Variants in TUBGCP2 observed in about 807,000 individuals in gnomAD.
TUBGCP2 encodes tubulin gamma complex component 2.
A neutral mutation model predicts 92.2 loss-of-function variants in TUBGCP2; 55 were observed. The ratio of observed to expected loss-of-function variants is 0.60; its 90% CI spans 0.48 to 0.75. TUBGCP2 has a LOEUF of 0.75. Ranked by LOEUF, TUBGCP2 falls within the 30% of genes least tolerant of loss-of-function variation. The pLI is 0.00. For synonymous variants in TUBGCP2, 533 were observed against 505.2 expected (o/e 1.06, Z -0.74); for missense variants, 1,093 against 1,188.9 (o/e 0.92, Z 1.19).
At chr10:133,281,654 T>C (rs554611552) in intron 16 of TUBGCP2, 4 of 613,836 alleles carry the variant, frequency 6.5e-6, no homozygotes, top group Non-Finnish European at 1.1e-5. Flanking sequence ...CCTCGTGGGA[T>C]GAGGTGGTCA....
Position 133,299,538 on chromosome 10 carries a change from G to A in TUBGCP2, c.345C>T (p.Ser115=), listed in dbSNP as rs1281315547. The A allele has an allele frequency of 3.7e-6, 6 of 1,613,582 alleles. 1 individual carries two copies. The highest frequency in any genetic ancestry group is 3.3e-5 in the South Asian group (3 of 91,082). Residue 115 remains serine, a synonymous_variant, in exon 4 of 18, where the codon AGC becomes AGT. Coordinates refer to ENST00000252936, the MANE Select transcript of TUBGCP2 (RefSeq NM_006659.4). ...RAELAAAAVG[S]STTSINVPAA... is the part of the protein sequence containing the mutation. Reference sequence around the variant, plus strand: ...CAGGGACGTTGATGCTGGTGGTACTGCTGCCCACAGCAGCGGCTGCAAGCT... The same window carrying A: ...CAGGGACGTTGATGCTGGTGGTACTACTGCCCACAGCAGCGGCTGCAAGCT...
At chr10:133,298,139 C>A in intron 4 of TUBGCP2, 28 bp from the exon 5 acceptor site, 5 of 1,607,406 alleles carry the variant, frequency 3.1e-6, no homozygotes, top group Non-Finnish European at 4.3e-6. Context: ...AAAAACAAAA[C>A]CAGAAAGATA....
chr10:133,309,947 C>T (rs1847950477), upstream of TUBGCP2: 11 of 1,613,260 alleles, frequency 6.8e-6, no homozygotes, highest in African/African-American at 4.0e-5. Flanking sequence ...ACGATTCGCT[C>T]TTCCAGATCC....
chr10:133,303,543 G>T (rs1420987655), intron 1 of TUBGCP2, among the ~76,000 whole-genome samples: 1 of 152,152 alleles, frequency 6.6e-6, no homozygotes, highest in Non-Finnish European at 1.5e-5. Context: ...GGCCTGTGGG[G>T]TCTACACAGG....
At chr10:133,283,759 C>T in intron 14 of TUBGCP2, 123 bp downstream of exon 14, 1 of 1,470,894 alleles carries the variant, frequency 6.8e-7, no homozygotes, top group African/African-American at 1.4e-5. Flanking sequence ...CTGCGTCTCC[C>T]TGCATTCCCT....
upstream of TUBGCP2, chr10:133,309,143 C>T (rs768601512): frequency 3.3e-5 from 46 of 1,388,314 alleles, no homozygotes; most frequent in African/African-American, 6.1e-4. Flanking sequence ...TCCAGTGGGG[C>T]CTACGGCGGC....
chr10:133,303,893 C>T (rs1299343723), intron 1 of TUBGCP2, among the ~76,000 whole-genome samples: 2 of 152,218 alleles, frequency 1.3e-5, no homozygotes. Flanking sequence ...CACAGACACC[C>T]AAGTGGGCAG....
At chr10:133,293,005 A>C (rs1335581810) in intron 7 of TUBGCP2, 34 bp downstream of exon 7, 2 of 1,604,096 alleles carry the variant, frequency 1.2e-6, no homozygotes, top group African/African-American at 2.7e-5. Flanking sequence ...CCTGCCACCC[A>C]CCACTGCCCC....
rs564341466 is a variant in TUBGCP2 at position 133,290,156 on chromosome 10, C to T, written c.1215-187G>A. 1.4e-3 allele frequency: 1,078 copies of T among 785,868 alleles called. 3 individuals are homozygous for T. Among genetic ancestry groups the T allele is most frequent in the Middle Eastern group, 0.011 (28 of 2,532 alleles). The allele number at this position is 785,868 out of a possible 1,614,324, so 48.7% of individuals were successfully genotyped here. ...TGTGGGCTAAAACGAACCTAGGGGC[C>T]GGGCACGGTGGCTCACGCCTGTAAC... On this transcript the variant is annotated intron_variant, in intron 8 of 17. Transcript: ENST00000252936.
rs202119662 is a variant in TUBGCP2, at chr10:133,288,355, C to T, written c.1542-46G>A. ...GAGCAGGTGCCCACCCGCAGGTGCC[C>T]GCCACAGCCAGGGAGCAGGCGTGAG... On this transcript the variant is annotated intron_variant, in intron 10 of 17. Coordinates refer to ENST00000252936, the MANE Select transcript of TUBGCP2 (RefSeq NM_006659.4). 2.5e-3 allele frequency: 3,905 copies of T among 1,588,916 alleles called. 34 individuals are homozygous for T. The highest frequency in any genetic ancestry group is 7.3e-3 in the Middle Eastern group (40 of 5,492).
intron 16 of TUBGCP2, among the ~76,000 whole-genome samples, chr10:133,281,884 C>T (rs567973001): frequency 2.6e-5 from 4 of 152,396 alleles, no homozygotes; most frequent in East Asian, 1.9e-4. Context: ...GCAGCCTGTC[C>T]GTGCCTGCTG....
chr10:133,291,329 GCACCGTCCGTGTCCCCC>G (rs1847295879), intron 8 of TUBGCP2, among the ~76,000 whole-genome samples: 1 of 33,372 alleles, frequency 3.0e-5, no homozygotes, highest in Non-Finnish European at 6.0e-5. Context: ...AGGGCAGCAT[GCACCGTCCGTGTCCCCC>G]ATGTCCCTCC....
chr10:133,282,481 G>T, intron 15 of TUBGCP2, 139 bp from the exon 16 acceptor site: 2 of 1,222,840 alleles, frequency 1.6e-6, no homozygotes, highest in Non-Finnish European at 2.2e-6. Flanking sequence ...CATCTCTGAG[G>T]CTGCAGGGGA....
rs2136112535 is a variant in TUBGCP2, at chr10:133,285,699, A to G, written c.1723-71T>C. Reference sequence around the variant, plus strand: ...GACCCGAAGTCGCATCCCGATCGCCATCCTCGCTCACAGACCCAGCGCTGA... The same window carrying G: ...GACCCGAAGTCGCATCCCGATCGCCGTCCTCGCTCACAGACCCAGCGCTGA... On this transcript the variant is annotated intron_variant, in intron 11 of 17. Transcript: ENST00000252936. The surrounding 1 kb of genome is among the most constrained non-coding windows in gnomAD (Gnocchi z 6.8). The G allele has an allele frequency of 7.0e-7, 1 of 1,420,792 alleles. No individual in the cohort carries two copies. Among genetic ancestry groups the G allele is most frequent in the Non-Finnish European group, 9.3e-7 (1 of 1,078,762 alleles). The allele number at this position is 1,420,792 out of a possible 1,614,324, so 88.0% of individuals were successfully genotyped here.
intron 7 of TUBGCP2, 34 bp from the exon 8 acceptor site, chr10:133,292,722 G>A (rs1847388027): frequency 6.3e-7 from 1 of 1,590,304 alleles, no homozygotes; most frequent in African/African-American, 1.3e-5. Flanking sequence ...CTGCTGAGAA[G>A]GAAGCGCACG....
chr10:133,280,161 G>A (rs748060203), intron 17 of TUBGCP2, among the ~76,000 whole-genome samples: 3 of 152,190 alleles, frequency 2.0e-5, no homozygotes, highest in Non-Finnish European at 4.4e-5. Context: ...GGTGAGGCAC[G>A]CTCCTAACTA....
At chr10:133,309,344 G>C (rs891090442), upstream of TUBGCP2, 20 of 1,588,420 alleles carry the variant, frequency 1.3e-5, no homozygotes, top group Non-Finnish European at 1.6e-5. Context: ...CGCGGTGGGC[G>C]TGCCGCGAGT....
At position 133,285,143 on chromosome 10, in the gene TUBGCP2, A is replaced by T; in HGVS notation, c.1966T>A (p.Cys656Ser). Reference sequence around the variant, plus strand: ...GTTTTGTTGCTGATCCAGACGCTGCAGAGCTGCCGCTCCACGTGCTTGCAG... The same window carrying T: ...GTTTTGTTGCTGATCCAGACGCTGCTGAGCTGCCGCTCCACGTGCTTGCAG... ...FYCKHVERQL[C>S]SVWISNKTAK... is the part of the protein sequence containing the mutation. The change falls in exon 13 of 18, where the codon TGC (cysteine) becomes AGC (serine). Residue 656 changes from cysteine (C) to serine (S), a missense_variant. This residue lies in a region of TUBGCP2 where 598 missense variants were observed against 675.5 expected (regional missense o/e 0.89). Transcript: ENST00000252936. This position sits in a 1 kb window ranked among gnomAD's most constrained non-coding sequence, Gnocchi z 6.8. The T allele has an allele frequency of 6.2e-7, 1 of 1,613,376 alleles. No homozygotes were observed. The highest frequency in any genetic ancestry group is 8.5e-7 in the Non-Finnish European group (1 of 1,179,828).
At chr10:133,311,263 T>C (rs1005600336), upstream of TUBGCP2, among the ~76,000 whole-genome samples, 22 of 152,300 alleles carry the variant, frequency 1.4e-4, no homozygotes, top group African/African-American at 3.6e-4. Flanking sequence ...CCCACTGCAA[T>C]GTGGGAGGCT....
Sources: gnomAD v4.1 joint callset for allele counts (sites outside exome capture counted in the v4.1 genomes callset) on GRCh38, gnomAD v4.1.1 for gene constraint, gnomAD v4.1.1 regional missense constraint, Gnocchi (gnomAD v3.1) non-coding constraint, MANE v1.5 for transcripts, NCBI Gene and HGNC (gene_info 2026-07-23, HGNC 2026-07-21) for gene names.